The following BBS9 variants were observed in gnomAD, a reference collection of about 807,000 sequenced individuals.
The protein encoded by BBS9 is Bardet-Biedl syndrome 9, also known as protein PTHB1.
BBS9 carries 89 observed loss-of-function variants against 117.7 expected under a neutral mutation model. That is an observed-to-expected ratio of 0.76 (90% CI 0.64 to 0.90). BBS9 has a LOEUF of 0.90. Among genes scored for constraint, BBS9 ranks in the 40% least tolerant of loss-of-function variants. The pLI is 0.00. For missense variants in BBS9, 982 were observed against 1,042.2 expected, an observed-to-expected ratio of 0.94 and a Z score of 0.80; for synonymous variants, 379 against 370.9, an observed-to-expected ratio of 1.02 and a Z score of -0.25.
At chr7:33,311,158 A>G (rs1286453558) in intron 9 of BBS9, among the ~76,000 whole-genome samples, 1 of 152,182 alleles carries the variant, frequency 6.6e-6, no homozygotes, top group Admixed American at 6.5e-5. Context: ...AGAGTGTACC[A>G]GGTGCCAAAG....
chr7:33,631,870 G>C (rs986209754), intron 21 of BBS9, among the ~76,000 whole-genome samples: 1 of 152,180 alleles, frequency 6.6e-6, no homozygotes, highest in Non-Finnish European at 1.5e-5. Context: ...ATTATGAAGA[G>C]AGCCTGGAGA....
chr7:33,521,903 C>T (rs1352720111), intron 20 of BBS9, among the ~76,000 whole-genome samples: 5 of 119,262 alleles, frequency 4.2e-5, no homozygotes, highest in African/African-American at 1.5e-4. Flanking sequence ...CCCCTCCCCC[C>T]ACCCCACCAC....
chr7:33,294,203 A>T (rs558407413), intron 9 of BBS9, among the ~76,000 whole-genome samples: 1 of 152,270 alleles, frequency 6.6e-6, no homozygotes, highest in East Asian at 1.9e-4. Flanking sequence ...CCATTTATAA[A>T]TGTTTACTTC....
chr7:33,183,759 T>C (rs1456190549), intron 5 of BBS9, among the ~76,000 whole-genome samples: 2 of 152,194 alleles, frequency 1.3e-5, no homozygotes, highest in Non-Finnish European at 2.9e-5. Flanking sequence ...TGCCACGTAC[T>C]TAAAAGGTCA....
chr7:33,631,597 A>G (rs1389943078), intron 21 of BBS9, among the ~76,000 whole-genome samples: 3 of 152,212 alleles, frequency 2.0e-5, no homozygotes, highest in Non-Finnish European at 4.4e-5. Flanking sequence ...CAACTTGGCC[A>G]TCTGAATCCA....
At chr7:33,172,304 C>G (rs1163070788) in intron 4 of BBS9, among the ~76,000 whole-genome samples, 1 of 151,962 alleles carries the variant, frequency 6.6e-6, no homozygotes, top group Non-Finnish European at 1.5e-5. Flanking sequence ...TGGCATTAAC[C>G]CAGGCGGTGG....
intron 5 of BBS9, among the ~76,000 whole-genome samples, chr7:33,213,953 G>C (rs992698222): frequency 1.3e-5 from 2 of 152,106 alleles, no homozygotes; most frequent in Non-Finnish European, 2.9e-5. Context: ...GGTTGGGGTA[G>C]GGGTGACACA....
chr7:33,247,329 AG>A lies in BBS9; in HGVS notation c.443-9905del, dbSNP rs1795498271. Among the ~76,000 whole-genome samples, 3 of 152,258 alleles carry A rather than the reference AG, an allele frequency of 2.0e-5. No individual in the cohort carries two copies. The South Asian group carries it at 6.2e-4, about 32-fold the overall frequency. On this transcript the variant is annotated intron_variant, in intron 5 of 22. Coordinates refer to ENST00000242067, the MANE Select transcript of BBS9 (RefSeq NM_198428.3). ...TCTTCTTACCATTACTTTACAGTTG[AG>A]GAAACTGATAGAGCTCCCAGGGGTC...
At chr7:33,568,265 C>T (rs1857227760) in intron 21 of BBS9, among the ~76,000 whole-genome samples, 1 of 152,030 alleles carries the variant, frequency 6.6e-6, no homozygotes, top group Admixed American at 6.6e-5. Context: ...CCTGCCTCTT[C>T]CTCCCTTACC....
At chr7:33,300,425 C>T (rs1022848863) in intron 9 of BBS9, among the ~76,000 whole-genome samples, 14 of 152,160 alleles carry the variant, frequency 9.2e-5, no homozygotes, top group South Asian at 2.1e-4. Context: ...TTCTCAATGT[C>T]AAAGCATCGG....
chr7:33,190,442 A>G (rs1016129909), intron 5 of BBS9, among the ~76,000 whole-genome samples: 1 of 152,178 alleles, frequency 6.6e-6, no homozygotes, highest in Non-Finnish European at 1.5e-5. Flanking sequence ...ATTTAGATGT[A>G]CTTTTGTTTT....
chr7:33,322,356 C>CTT lies in BBS9; in HGVS notation c.1017-14063_1017-14062dup, dbSNP rs35411730. On this transcript the variant is annotated intron_variant, in intron 9 of 22. Transcript: ENST00000242067. Reference sequence around the variant, plus strand: ...AGCAGTGAAATCACTGGGTCTCAGGCTTTTTTTTTTTTTTTTTTTTTTTGA... The same window carrying CTT: ...AGCAGTGAAATCACTGGGTCTCAGGCTTTTTTTTTTTTTTTTTTTTTTTTTGA... Among the ~76,000 whole-genome samples the CTT allele has an allele frequency of 6.3e-3, 468 of 74,080 alleles. 5 individuals carry two copies. The highest frequency in any genetic ancestry group is 0.013 in the East Asian group (25 of 1,932). The allele number at this position is 74,080 out of a possible 152,430, so 48.6% of individuals were successfully genotyped here.
At chr7:33,446,625 A>G (rs575635735) in intron 19 of BBS9, among the ~76,000 whole-genome samples, 1 of 152,344 alleles carries the variant, frequency 6.6e-6, no homozygotes, top group South Asian at 2.1e-4. Context: ...GTAGAAAGTG[A>G]TTAAATGAGA....
chr7:33,227,850 C>T (rs563231702), intron 5 of BBS9, among the ~76,000 whole-genome samples: 1 of 152,148 alleles, frequency 6.6e-6, no homozygotes, highest in Admixed American at 6.5e-5. Flanking sequence ...TCTTTATCTA[C>T]TTGTTGGTTA....
rs771447042 is a variant in BBS9 at position 33,257,352 on chromosome 7, A to G, written c.559A>G (p.Ser187Gly). The change falls in exon 6 of 23, where the codon AGT (serine) becomes GGT (glycine). Residue 187 changes from serine to glycine, a missense_variant. By Grantham distance (56) the Ser-to-Gly change is moderately conservative (BLOSUM62 0). Coordinates refer to ENST00000242067, the MANE Select transcript of BBS9 (RefSeq NM_198428.3). ...TCTTCTGCCTGGTCCTCTTGCCTAC[A>G]GTTCCCGTACAGATTCCTTCCTTAC... ...GFLLPGPLAY[S>G]SRTDSFLTVS... The G allele has an allele frequency of 6.2e-5, 100 of 1,613,850 alleles. No individual in the cohort carries two copies. The highest frequency in any genetic ancestry group is 7.9e-5 in the Non-Finnish European group (93 of 1,179,920).
At chr7:33,349,031 T>G (rs201047957) in intron 12 of BBS9, 37 bp from the exon 13 acceptor site, 2 of 1,375,830 alleles carry the variant, frequency 1.5e-6, no homozygotes, top group East Asian at 2.3e-5. Context: ...TTGAATAAAA[T>G]GTAATTTTCT....
In BBS9 at chr7:33,372,933, T is replaced by C. The variant is rs10272446; in HGVS notation, c.1789+5071T>C. Among the ~76,000 whole-genome samples, 1,295 of 152,318 alleles carry C rather than the reference T, an allele frequency of 8.5e-3. 22 individuals are homozygous for C. The highest frequency in any genetic ancestry group is 0.046 in the South Asian group (221 of 4,832). ...CATTTCTTGTAAGTTATCCAGTTTG[T>C]TGGCATATAGTTGTTCATAACAGTT... On this transcript the variant is annotated intron_variant, in intron 17 of 22. Coordinates refer to ENST00000242067, the MANE Select transcript of BBS9 (RefSeq NM_198428.3).
intron 21 of BBS9, among the ~76,000 whole-genome samples, chr7:33,577,885 C>T (rs533053668): frequency 6.6e-6 from 1 of 152,226 alleles, no homozygotes; most frequent in East Asian, 1.9e-4. Context: ...GGGAACATCA[C>T]ACACTGGGGC....
chr7:33,452,009 T>C (rs1320475191), intron 19 of BBS9, among the ~76,000 whole-genome samples: 4 of 151,992 alleles, frequency 2.6e-5, no homozygotes, highest in Non-Finnish European at 5.9e-5. Flanking sequence ...AATTTTTGTA[T>C]TTTTAGTAGA....
Sources: gnomAD v4.1 joint callset for allele counts (sites outside exome capture counted in the v4.1 genomes callset) on GRCh38, gnomAD v4.1.1 for gene constraint, MANE v1.5 for transcripts, NCBI Gene and HGNC (gene_info 2026-07-23, HGNC 2026-07-21) for gene names.